The following GALK2 variants were observed in gnomAD, a reference collection of about 807,000 sequenced individuals.
GALK2 encodes galactokinase 2.
Under a neutral mutation model 52.4 loss-of-function variants are expected in GALK2, and 36 were observed. The observed-to-expected ratio is 0.69, with a 90% CI of 0.53 to 0.91. GALK2 has a LOEUF of 0.91. GALK2 is among the 40% of genes least tolerant of loss of function. The pLI is 0.00. For missense variants in GALK2, 579 were observed against 559.1 expected (o/e 1.04, Z -0.36); for synonymous variants, 176 against 199.1 (o/e 0.88, Z 0.98).
chr15:49,341,371 C>A (rs1207612633), intron 3 of GALK2, among the ~76,000 whole-genome samples: 1 of 152,100 alleles, frequency 6.6e-6, no homozygotes, highest in Non-Finnish European at 1.5e-5. Context: ...AATATTGATT[C>A]TTCCAACCCA....
intron 1 of GALK2, among the ~76,000 whole-genome samples, chr15:49,176,155 C>T (rs987423785): frequency 5.3e-5 from 8 of 152,276 alleles, no homozygotes; most frequent in African/African-American, 1.4e-4. Flanking sequence ...TCACATCCCT[C>T]GCCCTCCTTG....
At chr15:49,273,606 C>T (rs1327852486) in intron 5 of GALK2, among the ~76,000 whole-genome samples, 2 of 147,906 alleles carry the variant, frequency 1.4e-5, no homozygotes, top group Non-Finnish European at 3.0e-5. Context: ...AGAGCTTGTT[C>T]ATCAGCCATG....
chr15:49,313,346 C>T (rs1364475967), intron 8 of GALK2, among the ~76,000 whole-genome samples: 2 of 152,186 alleles, frequency 1.3e-5, no homozygotes, highest in Admixed American at 6.5e-5. Flanking sequence ...ATGCTAAAGC[C>T]TCAGATGTGA....
intron 4 of GALK2, among the ~76,000 whole-genome samples, chr15:49,238,451 A>G (rs1037354522): frequency 3.9e-5 from 6 of 152,252 alleles, no homozygotes; most frequent in East Asian, 1.9e-4. Flanking sequence ...TAATTTGACT[A>G]TCTTTAAAGC....
At chr15:49,366,658 A>G (rs2045248870) in intron 3 of GALK2, 7 of 1,547,240 alleles carry the variant, frequency 4.5e-6, no homozygotes, top group South Asian at 1.1e-5. Flanking sequence ...CGGCCGTGGC[A>G]GGGGACAGCC....
chr15:49,272,292 T>C (rs1344026663), intron 5 of GALK2, among the ~76,000 whole-genome samples: 2 of 152,268 alleles, frequency 1.3e-5, no homozygotes, highest in African/African-American at 2.4e-5. Flanking sequence ...CCCTGCACAG[T>C]GTCTAGCCCT....
At chr15:49,206,894 G>A (rs2088336174) in intron 2 of GALK2, among the ~76,000 whole-genome samples, 1 of 152,130 alleles carries the variant, frequency 6.6e-6, no homozygotes, top group South Asian at 2.1e-4. Context: ...AGTGGTGAGA[G>A]TGGGCATCTT....
chr15:49,170,795 A>G (rs528438437), intron 1 of GALK2, among the ~76,000 whole-genome samples: 47 of 152,224 alleles, frequency 3.1e-4, no homozygotes, highest in African/African-American at 1.1e-3. Flanking sequence ...CATCCTCTTT[A>G]AAACAAAACA....
At chr15:49,274,400 A>G (rs1202884466) in intron 5 of GALK2, among the ~76,000 whole-genome samples, 1 of 152,232 alleles carries the variant, frequency 6.6e-6, no homozygotes, top group Non-Finnish European at 1.5e-5. Context: ...GGTTTAAAAG[A>G]AAAAATCATA....
chr15:49,171,082 C>CTT (rs201895577), intron 1 of GALK2, among the ~76,000 whole-genome samples: 56 of 129,928 alleles, frequency 4.3e-4, no homozygotes, highest in African/African-American at 9.4e-4. Context: ...TTTTCTTTTT[C>CTT]TTTTTTTTTT....
chr15:49,287,538 TC>T (rs2033497644), intron 7 of GALK2, among the ~76,000 whole-genome samples: 1 of 152,190 alleles, frequency 6.6e-6, no homozygotes, highest in Non-Finnish European at 1.5e-5. Context: ...GTTCTATTCT[TC>T]CATTTTTGGC....
At chr15:49,311,984 C>A (rs2036029189) in intron 8 of GALK2, among the ~76,000 whole-genome samples, 1 of 152,206 alleles carries the variant, frequency 6.6e-6, no homozygotes, top group Non-Finnish European at 1.5e-5. Context: ...CACAGTTAAT[C>A]TGCTCATTAA....
chr15:49,164,071 A>G (rs1326436914), intron 1 of GALK2, among the ~76,000 whole-genome samples: 1 of 152,218 alleles, frequency 6.6e-6, no homozygotes, highest in Non-Finnish European at 1.5e-5. Context: ...AAATTTAATT[A>G]AGGGACTATT....
intron 8 of GALK2, among the ~76,000 whole-genome samples, chr15:49,310,963 C>T (rs566504482): frequency 1.3e-5 from 2 of 152,190 alleles, no homozygotes; most frequent in Non-Finnish European, 2.9e-5. Context: ...AAGTTCTTTG[C>T]CTATACCAGT....
At chr15:49,290,332 T>G (rs2033811706) in intron 7 of GALK2, among the ~76,000 whole-genome samples, 1 of 152,238 alleles carries the variant, frequency 6.6e-6, no homozygotes, top group Non-Finnish European at 1.5e-5. Flanking sequence ...TATGGTAGAT[T>G]TCATCCTTAA....
At chr15:49,349,276 T>C (rs1436858853) in intron 3 of GALK2, among the ~76,000 whole-genome samples, 2 of 152,168 alleles carry the variant, frequency 1.3e-5, no homozygotes, top group Non-Finnish European at 2.9e-5. Context: ...AAAACTCCTT[T>C]GTTCATCAAG....
At chr15:49,257,188 GCCTAGTTGCTA>G (rs2091848411) in intron 5 of GALK2, among the ~76,000 whole-genome samples, 1 of 152,080 alleles carries the variant, frequency 6.6e-6, no homozygotes, top group Non-Finnish European at 1.5e-5. Flanking sequence ...GCTGGGTTCC[GCCTAGTTGCTA>G]ATAGGCTTTG....
intron 1 of GALK2, among the ~76,000 whole-genome samples, chr15:49,170,746 A>G (rs190265573): frequency 1.1e-3 from 173 of 152,324 alleles, no homozygotes; most frequent in African/African-American, 3.9e-3. Context: ...CTTTCTAAAT[A>G]TTAATTGAAA....
At chr15:49,251,347 G>A (rs977364490) in intron 5 of GALK2, among the ~76,000 whole-genome samples, 1 of 152,122 alleles carries the variant, frequency 6.6e-6, no homozygotes, top group Non-Finnish European at 1.5e-5. Context: ...GAAAGAGTTT[G>A]ATAAGATTTA....
Sources: allele counts gnomAD v4.1 joint callset (sites outside exome capture counted in the v4.1 genomes callset), GRCh38; gene constraint gnomAD v4.1.1; transcripts MANE v1.5; gene names NCBI Gene and HGNC (gene_info 2026-07-23, HGNC 2026-07-21).